CYB5D2: variants seen among roughly 807,000 people sequenced by gnomAD.
The protein encoded by CYB5D2 is neuferricin.
CYB5D2 carries 23 observed loss-of-function variants against 22.8 expected under a neutral mutation model. The ratio of observed to expected loss-of-function variants is 1.01; its 90% CI spans 0.73 to 1.43. CYB5D2 has a LOEUF of 1.43. CYB5D2 is among the 40% of genes most tolerant of loss of function. The probability of loss-of-function intolerance (pLI) is 0.00; values close to 1 mark genes in which losing one functional copy is unlikely to be tolerated. For synonymous variants in CYB5D2, 170 were observed against 152.2 expected, an observed-to-expected ratio of 1.12 and a Z score of -0.86; for missense variants, 373 against 357.2, an observed-to-expected ratio of 1.04 and a Z score of -0.36.
In CYB5D2 at chr17:4,150,051, TACATTTC is replaced by T; in HGVS notation, c.391+22_391+28del. The T allele has an allele frequency of 1.2e-6, 2 of 1,613,220 alleles. No homozygotes were observed. The highest frequency in any genetic ancestry group is 1.7e-6 in the Non-Finnish European group (2 of 1,179,936). ...GTGTTGGTAAGTCGTCCATAGGTCA[TACATTTC>T]ATTTGGTTGTCTGCAGTGTTTTTAG... On this transcript the variant is annotated intron_variant, in intron 2 of 3. Coordinates refer to ENST00000301391, the MANE Select transcript of CYB5D2 (RefSeq NM_144611.4).
intron 1 of CYB5D2, among the ~76,000 whole-genome samples, chr17:4,144,912 G>A (rs2054040): frequency 0.7 from 106,216 of 151,892 alleles, 38,726 homozygotes; most frequent in East Asian, 0.92. Context: ...TCAGCCTCCC[G>A]AATAGCTGGG....
intron 3 of CYB5D2, among the ~76,000 whole-genome samples, chr17:4,155,767 C>T (rs997467402): frequency 2.0e-5 from 3 of 152,192 alleles, no homozygotes; most frequent in Non-Finnish European, 4.4e-5. Flanking sequence ...ACTTTGCTTC[C>T]TTGGGCCCTG....
chr17:4,148,705 T>A (rs1224167558), intron 1 of CYB5D2, among the ~76,000 whole-genome samples: 2 of 151,894 alleles, frequency 1.3e-5, no homozygotes, highest in African/African-American at 4.8e-5. Flanking sequence ...GCATCTGTAG[T>A]CCCAGCTACT....
At chr17:4,154,537 G>A (rs1461173783) in intron 2 of CYB5D2, 137 bp from the exon 3 acceptor site, 1 of 946,434 alleles carries the variant, frequency 1.1e-6, no homozygotes, top group Non-Finnish European at 1.6e-6. Flanking sequence ...GGCACCAGGA[G>A]TGCCTGCAGT....
chr17:4,154,645 C>T (rs752085810), intron 2 of CYB5D2, 29 bp from the exon 3 acceptor site: 6 of 1,605,754 alleles, frequency 3.7e-6, no homozygotes, highest in East Asian at 2.2e-5. Context: ...TATTCACTCT[C>T]ACTCACATCT....
At chr17:4,146,907 C>G (rs1243150262) in intron 1 of CYB5D2, among the ~76,000 whole-genome samples, 1 of 152,074 alleles carries the variant, frequency 6.6e-6, no homozygotes, top group African/African-American at 2.4e-5. Flanking sequence ...TGGCTTCTTT[C>G]ACCTAGCATC....
Position 4,143,858 on chromosome 17 carries a change from T to G in CYB5D2, c.103T>G (p.Phe35Val). The G allele has an allele frequency of 6.2e-7, 1 of 1,614,130 alleles. No homozygotes were observed. Among genetic ancestry groups the G allele is most frequent in the East Asian group, 2.2e-5 (1 of 44,880 alleles). ...GGGCTGGTGGGGTCCCCGCGCTGGC[T>G]TTCGCCTTTTCATACCGGAGGAGCT... ...LMGWWGPRAG[F>V]RLFIPEELSR... Residue 35 changes from phenylalanine (F) to valine (V), a missense_variant, in exon 1 of 4, where the codon TTT (phenylalanine) becomes GTT (valine). Phe to Val is a conservative substitution (Grantham distance 50, BLOSUM62 -1). Coordinates refer to ENST00000301391, the MANE Select transcript of CYB5D2 (RefSeq NM_144611.4).
At chr17:4,154,969 GC>G (rs1298281614) in intron 3 of CYB5D2, 109 bp downstream of exon 3, 26 of 1,217,698 alleles carry the variant, frequency 2.1e-5, no homozygotes, top group Non-Finnish European at 7.8e-6. Context: ...ACCCTGGGGA[GC>G]TTTTTCAAAA....
intron 1 of CYB5D2, among the ~76,000 whole-genome samples, 158 bp downstream of exon 1, chr17:4,144,163 C>T (rs1044240657): frequency 6.6e-6 from 1 of 152,190 alleles, no homozygotes; most frequent in African/African-American, 2.4e-5. Flanking sequence ...ATGCACTATC[C>T]TTCTAGGCTC....
chr17:4,144,081 A>C (rs991832531), intron 1 of CYB5D2, 76 bp downstream of exon 1: 8 of 1,507,950 alleles, frequency 5.3e-6, no homozygotes, highest in Non-Finnish European at 7.1e-6. Context: ...TCGTTGGTTC[A>C]TTATTCATCT....
At chr17:4,155,335 G>C (rs1382623315) in intron 3 of CYB5D2, among the ~76,000 whole-genome samples, 6 of 152,232 alleles carry the variant, frequency 3.9e-5, no homozygotes, top group African/African-American at 1.4e-4. Flanking sequence ...GGTGAGGCGG[G>C]CATGGTGGCT....
intron 2 of CYB5D2, among the ~76,000 whole-genome samples, chr17:4,152,923 A>G (rs940238842): frequency 1.3e-5 from 2 of 152,104 alleles, no homozygotes; most frequent in African/African-American, 4.8e-5. Flanking sequence ...GATTACAGGC[A>G]TGCACCACCA....
intron 1 of CYB5D2, 90 bp from the exon 2 acceptor site, chr17:4,149,798 CAAA>C: frequency 7.5e-7 from 1 of 1,338,812 alleles, no homozygotes; most frequent in Non-Finnish European, 1.0e-6. Context: ...GACTCCGTCT[CAAA>C]AAAAAAAGAA....
intron 3 of CYB5D2, among the ~76,000 whole-genome samples, chr17:4,156,013 T>C (rs2142995384): frequency 6.6e-6 from 1 of 152,324 alleles, no homozygotes; most frequent in South Asian, 2.1e-4. Context: ...GGAGTACAGA[T>C]CCCCAATGAT....
chr17:4,147,613 G>A (rs902710182), intron 1 of CYB5D2, among the ~76,000 whole-genome samples: 7 of 152,214 alleles, frequency 4.6e-5, no homozygotes, highest in Non-Finnish European at 1.0e-4. Context: ...CAGCACTTTG[G>A]GAGGCCAAGG....
intron 1 of CYB5D2, 28 bp downstream of exon 1, chr17:4,144,033 T>C: frequency 6.4e-7 from 1 of 1,558,432 alleles, no homozygotes; most frequent in Non-Finnish European, 8.7e-7. Flanking sequence ...CACGCCTTTC[T>C]CTCCGCTGGC....
chr17:4,144,067 T>A (rs1273385644), intron 1 of CYB5D2, 62 bp downstream of exon 1: 10 of 1,522,234 alleles, frequency 6.6e-6, no homozygotes, highest in Non-Finnish European at 8.8e-6. Flanking sequence ...CACCTGCGCG[T>A]CGTTCGTTGG....
At chr17:4,155,473 A>G (rs975986890) in intron 3 of CYB5D2, among the ~76,000 whole-genome samples, 1 of 152,188 alleles carries the variant, frequency 6.6e-6, no homozygotes, top group Admixed American at 6.5e-5. Flanking sequence ...AACCACTGCA[A>G]ATTCGGAGTT....
Position 4,149,848 on chromosome 17 carries a change from C to A in CYB5D2, c.251-43C>A. On this transcript the variant is annotated intron_variant, in intron 1 of 3. Coordinates refer to ENST00000301391, the MANE Select transcript of CYB5D2 (RefSeq NM_144611.4). ...ACAGATTCTTGAGTGGGGATGGTGTCAGTGGTTTACACCTGGGTCTGATGG... is the reference window on the plus strand; with the variant it reads ...ACAGATTCTTGAGTGGGGATGGTGTAAGTGGTTTACACCTGGGTCTGATGG... The A allele has an allele frequency of 1.9e-6, 3 of 1,582,362 alleles. No individual in the cohort carries two copies. The South Asian group carries it at 3.4e-5, about 18-fold the overall frequency.
Sources: allele counts gnomAD v4.1 joint callset (sites outside exome capture counted in the v4.1 genomes callset), GRCh38; gene constraint gnomAD v4.1.1; transcripts MANE v1.5; gene names NCBI Gene and HGNC (gene_info 2026-07-23, HGNC 2026-07-21).